Variants in DPF3 observed in about 807,000 individuals in gnomAD.
The protein encoded by DPF3 is double PHD fingers 3.
Under a neutral mutation model 56.8 loss-of-function variants are expected in DPF3, and 18 were observed. The ratio of observed to expected loss-of-function variants is 0.32; its 90% CI spans 0.22 to 0.47. The LOEUF (loss-of-function observed/expected upper bound fraction) is 0.47, where lower values mean the gene tolerates loss of function less well. Ranked by LOEUF, DPF3 falls within the 20% of genes least tolerant of loss-of-function variation. DPF3 has a pLI of 1.00. For missense variants in DPF3, 403 were observed against 488.8 expected (o/e 0.82, Z 1.65); for synonymous variants, 188 against 180.2 (o/e 1.04, Z -0.35).
At chr14:72,802,032 C>T (rs1037617301) in intron 1 of DPF3, among the ~76,000 whole-genome samples, 1 of 152,134 alleles carries the variant, frequency 6.6e-6, no homozygotes, top group Non-Finnish European at 1.5e-5. Context: ...ATGGGATAAG[C>T]CATGGAAAAC....
At chr14:72,841,908 C>T (rs1332169542) in intron 1 of DPF3, among the ~76,000 whole-genome samples, 2 of 151,984 alleles carry the variant, frequency 1.3e-5, no homozygotes, top group Admixed American at 6.6e-5. Context: ...TATCATGAGA[C>T]TCCTCTCTCT....
Position 72,704,773 on chromosome 14 carries a change from C to A in DPF3, c.604+9650G>T, listed in dbSNP as rs114172561. On this transcript the variant is annotated intron_variant, in intron 6 of 10. Coordinates refer to ENST00000556509, the MANE Select transcript of DPF3 (RefSeq NM_001280542.3). ...AAGATGTCAAGAGTCATCACTGCCACCTCCCTCTCTCCTCTCCTGCTCTCC... is the reference window on the plus strand; with the variant it reads ...AAGATGTCAAGAGTCATCACTGCCAACTCCCTCTCTCCTCTCCTGCTCTCC... Among the ~76,000 whole-genome samples the A allele has an allele frequency of 1.4e-3, 207 of 152,312 alleles. 1 individual carries two copies. The highest frequency in any genetic ancestry group is 4.8e-3 in the African/African-American group (200 of 41,572).
chr14:72,685,204 T>G (rs1887356665), intron 7 of DPF3, among the ~76,000 whole-genome samples: 1 of 152,178 alleles, frequency 6.6e-6, no homozygotes, highest in African/African-American at 2.4e-5. Context: ...GAGGCAAAAG[T>G]TAAGGGACAT....
At chr14:72,704,122 G>A (rs1888305356) in intron 6 of DPF3, among the ~76,000 whole-genome samples, 1 of 152,220 alleles carries the variant, frequency 6.6e-6, no homozygotes, top group South Asian at 2.1e-4. Context: ...GAAGTGACCT[G>A]GTAAAGATTC....
intron 1 of DPF3, 138 bp downstream of exon 1, chr14:72,893,919 G>A (rs945679784): frequency 1.8e-5 from 16 of 910,890 alleles, no homozygotes; most frequent in South Asian, 2.9e-5. Context: ...AGAAGTAAGA[G>A]CTGAAAGAAG....
At position 72,671,475 on chromosome 14, in the gene DPF3, G is replaced by C. The variant is rs772896896; in HGVS notation, c.871+2765C>G. 11 of 1,240,690 alleles carry C rather than the reference G, an allele frequency of 8.9e-6. No individual in the cohort carries two copies. The East Asian group carries it at 2.5e-4, about 29-fold the overall frequency. 76.9% of individuals were successfully genotyped at this position (1,240,690 alleles called of 1,614,324 possible). On this transcript the variant is annotated intron_variant, in intron 8 of 10. Coordinates refer to ENST00000556509, the MANE Select transcript of DPF3 (RefSeq NM_001280542.3). Reference sequence around the variant, plus strand: ...TGCACACCAAAGGGATTAACCCGGTGCATCACCTGGTGACGGGGATTTGGG... The same window carrying C: ...TGCACACCAAAGGGATTAACCCGGTCCATCACCTGGTGACGGGGATTTGGG...
At chr14:72,697,420 A>T (rs937236168) in intron 6 of DPF3, among the ~76,000 whole-genome samples, 1 of 152,162 alleles carries the variant, frequency 6.6e-6, no homozygotes, top group Non-Finnish European at 1.5e-5. Flanking sequence ...TTGAGTGAGT[A>T]GGGTAGGGCT....
intron 3 of DPF3, among the ~76,000 whole-genome samples, chr14:72,735,968 T>C (rs932307398): frequency 7.2e-5 from 11 of 152,230 alleles, no homozygotes; most frequent in African/African-American, 2.4e-4. Context: ...AATTAGATCA[T>C]ATACGTAAAG....
chr14:72,716,877 T>A (rs1167043817), intron 5 of DPF3, among the ~76,000 whole-genome samples: 2 of 152,162 alleles, frequency 1.3e-5, no homozygotes, highest in Non-Finnish European at 2.9e-5. Flanking sequence ...GACTGACCCC[T>A]GAGCTGTTCA....
chr14:72,738,752 G>C (rs1161875541), intron 3 of DPF3, among the ~76,000 whole-genome samples: 1 of 152,206 alleles, frequency 6.6e-6, no homozygotes, highest in African/African-American at 2.4e-5. Context: ...ATTGCTAAGA[G>C]AGTCAATCTT....
chr14:72,764,581 C>T (rs994163427), intron 2 of DPF3, among the ~76,000 whole-genome samples: 4 of 141,526 alleles, frequency 2.8e-5, no homozygotes, highest in Admixed American at 2.3e-4. Context: ...CTCCGCCTCC[C>T]GGGTTCACGC....
At chr14:72,701,062 A>G (rs1210781910) in intron 6 of DPF3, among the ~76,000 whole-genome samples, 1 of 152,250 alleles carries the variant, frequency 6.6e-6, no homozygotes, top group Non-Finnish European at 1.5e-5. Context: ...TCATGTCGGC[A>G]TTCTCACTCT....
At chr14:72,639,860 T>C (rs1172590793) in intron 8 of DPF3, among the ~76,000 whole-genome samples, 2 of 151,952 alleles carry the variant, frequency 1.3e-5, no homozygotes, top group Non-Finnish European at 2.9e-5. Context: ...CAGATAACTA[T>C]TATATATAGA....
At chr14:72,668,406 G>A (rs1191720655) in intron 8 of DPF3, among the ~76,000 whole-genome samples, 1 of 152,180 alleles carries the variant, frequency 6.6e-6, no homozygotes, top group African/African-American at 2.4e-5. Context: ...AGCAAGGTGA[G>A]ACAAGATGGT....
At chr14:72,834,295 G>C (rs531390909) in intron 1 of DPF3, among the ~76,000 whole-genome samples, 3 of 152,034 alleles carry the variant, frequency 2.0e-5, no homozygotes, top group Non-Finnish European at 4.4e-5. Flanking sequence ...TCAGGAGTTT[G>C]AGACCAGCCT....
rs1474847883 is a variant in DPF3 at position 72,748,696 on chromosome 14, G to T, written c.301+4568C>A. Among the ~76,000 whole-genome samples, 3 of 152,154 alleles carry T rather than the reference G, an allele frequency of 2.0e-5. No homozygotes were observed. In the East Asian group the frequency reaches 5.8e-4, roughly 29 times the overall value. ...GTCCTTCTGTTATGTGCAGCCTAGG[G>T]ACTTGGTGTCCTGTGTCCCAGCTGC... On this transcript the variant is annotated intron_variant, in intron 3 of 10. Transcript: ENST00000556509.
At chr14:72,756,407 C>G (rs1431700465) in intron 2 of DPF3, among the ~76,000 whole-genome samples, 1 of 152,202 alleles carries the variant, frequency 6.6e-6, no homozygotes, top group Non-Finnish European at 1.5e-5. Context: ...ACAAATACAG[C>G]TGGTTATGCA....
intron 8 of DPF3, among the ~76,000 whole-genome samples, chr14:72,659,021 G>T (rs1477327593): frequency 6.6e-6 from 1 of 151,922 alleles, no homozygotes; most frequent in East Asian, 1.9e-4. Context: ...AAAAAGATCT[G>T]GGAACCCTGG....
chr14:72,798,959 G>A (rs936516751), intron 1 of DPF3, among the ~76,000 whole-genome samples: 5 of 152,176 alleles, frequency 3.3e-5, no homozygotes, highest in Admixed American at 1.3e-4. Flanking sequence ...TAAACATCAG[G>A]TGTCCTCATA....
Sources: gnomAD v4.1 joint callset for allele counts (sites outside exome capture counted in the v4.1 genomes callset) on GRCh38, gnomAD v4.1.1 for gene constraint, MANE v1.5 for transcripts, NCBI Gene and HGNC (gene_info 2026-07-23, HGNC 2026-07-21) for gene names.